HECTD4: variants seen among roughly 807,000 people sequenced by gnomAD.
HECTD4 encodes probable E3 ubiquitin-protein ligase HECTD4.
HECTD4 carries 114 observed loss-of-function variants against 471.5 expected under a neutral mutation model. That is an observed-to-expected ratio of 0.24 (90% CI 0.21 to 0.28). HECTD4 has a LOEUF of 0.28. Among genes scored for constraint, HECTD4 ranks in the 10% least tolerant of loss-of-function variants. The pLI is 1.00. For synonymous variants in HECTD4, 2,012 were observed against 2,256.0 expected (o/e 0.89, Z 3.07); for missense variants, 3,866 against 5,651.5 (o/e 0.68, Z 10.13).
intron 32 of HECTD4, among the ~76,000 whole-genome samples, chr12:112,241,305 C>T (rs1238368066): frequency 6.6e-6 from 1 of 152,064 alleles, no homozygotes; most frequent in Non-Finnish European, 1.5e-5. Context: ...CTATTTCTTT[C>T]TGGGCACCCT....
intron 15 of HECTD4, 146 bp downstream of exon 15, chr12:112,265,732 A>T (rs1324874188): frequency 6.4e-6 from 4 of 621,526 alleles, no homozygotes. Context: ...GGAATCTATT[A>T]TCTTTCAACT....
In HECTD4 at chr12:112,243,314, T is replaced by G; in HGVS notation, c.4958+39A>C. 6.3e-7 allele frequency: 1 copy of G among 1,575,214 alleles called. No individual in the cohort carries two copies. Among genetic ancestry groups the G allele is most frequent in the East Asian group, 2.3e-5 (1 of 43,734 alleles). Reference sequence around the variant, plus strand: ...ATAATCTTTTGAATGGCTCTGACCATTCTAGAAAGGACAGTATAAACTAAC... The same window carrying G: ...ATAATCTTTTGAATGGCTCTGACCAGTCTAGAAAGGACAGTATAAACTAAC... On this transcript the variant is annotated intron_variant, in intron 32 of 75. Coordinates refer to ENST00000682272, the MANE Select transcript of HECTD4 (RefSeq NM_001388303.1). This position sits in a 1 kb window ranked among gnomAD's most constrained non-coding sequence, Gnocchi z 6.6.
intron 37 of HECTD4, 129 bp from the exon 38 acceptor site, chr12:112,233,214 CTTTTTTTTTTTT>C (rs546999938): frequency 5.1e-5 from 12 of 235,700 alleles, no homozygotes; most frequent in African/African-American, 1.1e-4. Context: ...CTAACATTAG[CTTTTTTTTTTTT>C]TTTTTTTTTT....
At chr12:112,364,525 T>A (rs1460940659) in intron 1 of HECTD4, among the ~76,000 whole-genome samples, 1 of 151,822 alleles carries the variant, frequency 6.6e-6, no homozygotes, top group Non-Finnish European at 1.5e-5. Context: ...AGCCCAGGAG[T>A]TTGAGACCAG....
In HECTD4 at chr12:112,171,214, G is replaced by C; in HGVS notation, c.11835C>G (p.Leu3945=). Residue 3945 remains leucine (L), a synonymous_variant, in exon 68 of 76, where the codon CTC becomes CTG. Transcript: ENST00000682272. Reference sequence around the variant, plus strand: ...GGAAGAAGGTCTCCAGTGTGGTGTTGAGGGACTGCAGCAAGGCGAAGCGCA... The same window carrying C: ...GGAAGAAGGTCTCCAGTGTGGTGTTCAGGGACTGCAGCAAGGCGAAGCGCA... ...LRLRFALLQS[L]NTTLETFFLP... 1.2e-6 allele frequency: 2 copies of C among 1,612,732 alleles called. No individual in the cohort carries two copies. The highest frequency in any genetic ancestry group is 1.1e-5 in the South Asian group (1 of 90,694).
chr12:112,317,109 T>G (rs1181893539), intron 2 of HECTD4, among the ~76,000 whole-genome samples: 1 of 152,248 alleles, frequency 6.6e-6, no homozygotes, highest in Admixed American at 6.5e-5. Flanking sequence ...TAAAAGCACA[T>G]TTTCTCAAAT....
intron 11 of HECTD4, among the ~76,000 whole-genome samples, chr12:112,273,200 T>C (rs2034454510): frequency 6.6e-6 from 1 of 152,200 alleles, no homozygotes; most frequent in Non-Finnish European, 1.5e-5. Context: ...TAGTTGACTT[T>C]AAAGCCAAAA....
At chr12:112,251,521 C>A (rs2033887187) in intron 23 of HECTD4, among the ~76,000 whole-genome samples, 1 of 152,188 alleles carries the variant, frequency 6.6e-6, no homozygotes, top group African/African-American at 2.4e-5. Flanking sequence ...TCAATGACTG[C>A]AGTGAATTCA....
rs1009233163 is a variant in HECTD4, at chr12:112,173,799, G to T, written c.11595-938C>A. The stretch of plus-strand genomic sequence containing the variant: ...TCCCACCTCAGCTCCCAAAGTGCTA[G>T]GGTTTCTAAAACAAGTTCAGAAAAC... On this transcript the variant is annotated intron_variant, in intron 66 of 75. Transcript: ENST00000682272. The surrounding 1 kb of genome is among the most constrained non-coding windows in gnomAD (Gnocchi z 4.3). Among the ~76,000 whole-genome samples, 2 of 151,926 alleles carry T rather than the reference G, an allele frequency of 1.3e-5. No homozygotes were observed. The highest frequency in any genetic ancestry group is 6.6e-5 in the Admixed American group (1 of 15,226).
intron 7 of HECTD4, among the ~76,000 whole-genome samples, chr12:112,293,364 CAA>C (rs754332904): frequency 3.6e-4 from 25 of 69,862 alleles, no homozygotes; most frequent in East Asian, 1.6e-3. Flanking sequence ...GACTCTGTCT[CAA>C]AAAAAAAAAA....
intron 1 of HECTD4, among the ~76,000 whole-genome samples, chr12:112,363,228 T>C (rs2036491287): frequency 6.6e-6 from 1 of 152,104 alleles, no homozygotes; most frequent in South Asian, 2.1e-4. Context: ...CATGTGTATA[T>C]AAAATTTATA....
intron 49 of HECTD4, among the ~76,000 whole-genome samples, 180 bp downstream of exon 49, chr12:112,212,307 A>C (rs2032787500): frequency 6.6e-6 from 1 of 152,242 alleles, no homozygotes; most frequent in South Asian, 2.1e-4. Context: ...TCAAGCTAAG[A>C]CTGTGGGGTC....
chr12:112,280,630 T>A (rs922959369), intron 8 of HECTD4, among the ~76,000 whole-genome samples: 3 of 152,004 alleles, frequency 2.0e-5, no homozygotes, highest in Admixed American at 1.3e-4. Context: ...AGGACATAAA[T>A]TCAAGAAGAT....
chr12:112,352,959 C>T (rs1310176899), intron 1 of HECTD4, among the ~76,000 whole-genome samples: 2 of 152,084 alleles, frequency 1.3e-5, no homozygotes, highest in African/African-American at 4.8e-5. Context: ...GTGATGAGAC[C>T]TTGTCTGTAA....
At chr12:112,180,125 T>C (rs1593901142) in intron 62 of HECTD4, among the ~76,000 whole-genome samples, 2 of 152,172 alleles carry the variant, frequency 1.3e-5, no homozygotes, top group Admixed American at 1.3e-4. Context: ...CTCCCTCTCC[T>C]GGGGAGTCTG....
intron 44 of HECTD4, among the ~76,000 whole-genome samples, chr12:112,223,552 T>A (rs1236347724): frequency 6.6e-6 from 1 of 152,184 alleles, no homozygotes; most frequent in East Asian, 1.9e-4. Flanking sequence ...CCCAAGTAGC[T>A]GGGATTACAG....
intron 2 of HECTD4, among the ~76,000 whole-genome samples, chr12:112,317,327 T>C (rs544087853): frequency 6.6e-6 from 1 of 152,218 alleles, no homozygotes; most frequent in East Asian, 1.9e-4. Flanking sequence ...CAAAGAAACT[T>C]ACAATAAACA....
chr12:112,274,416 T>C (rs1566095404), intron 10 of HECTD4, among the ~76,000 whole-genome samples: 1 of 152,180 alleles, frequency 6.6e-6, no homozygotes, highest in Non-Finnish European at 1.5e-5. Flanking sequence ...TATAAAAAAA[T>C]TCTTTCTGGC....
Position 112,382,384 on chromosome 12 carries a change from C to T in HECTD4, c.-256G>A, listed in dbSNP as rs1247235012. On this transcript the variant is annotated 5_prime_UTR_variant, in exon 1 of 76. Coordinates refer to ENST00000682272, the MANE Select transcript of HECTD4 (RefSeq NM_001388303.1). ...CCCTCAGGAGCAGGATCCGCCTCTG[C>T]CGCTCGGCAACCAACTGTCAGTGAG... 2 of 347,866 alleles carry T rather than the reference C, an allele frequency of 5.7e-6. No homozygotes were observed. Among genetic ancestry groups the T allele is most frequent in the African/African-American group, 2.2e-5 (1 of 45,136 alleles). 21.5% of individuals were successfully genotyped at this position (347,866 alleles called of 1,614,324 possible). A position where few individuals can be genotyped will look rare whatever the true frequency, so the allele number is the denominator to read the frequency against.
Sources: allele counts gnomAD v4.1 joint callset (sites outside exome capture counted in the v4.1 genomes callset), GRCh38; gene constraint gnomAD v4.1.1; non-coding constraint Gnocchi (gnomAD v3.1); transcripts MANE v1.5; gene names NCBI Gene and HGNC (gene_info 2026-07-23, HGNC 2026-07-21).